NUP133: variants seen among roughly 807,000 people sequenced by gnomAD.
The protein encoded by NUP133 is nucleoporin 133, also known as nuclear pore complex protein Nup133.
A neutral mutation model predicts 146.2 loss-of-function variants in NUP133; 66 were observed. The ratio of observed to expected loss-of-function variants is 0.45; its 90% CI spans 0.37 to 0.55. The LOEUF is 0.55. Among genes scored for constraint, NUP133 ranks in the 20% least tolerant of loss-of-function variants. The pLI is 0.00. For missense variants in NUP133, 1,277 were observed against 1,374.8 expected, an observed-to-expected ratio of 0.93 and a Z score of 1.12; for synonymous variants, 521 against 498.8, an observed-to-expected ratio of 1.04 and a Z score of -0.59.
intron 12 of NUP133, 126 bp from the exon 13 acceptor site, chr1:229,477,886 G>A: frequency 1.5e-6 from 1 of 656,128 alleles, no homozygotes; most frequent in Non-Finnish European, 2.6e-6. Flanking sequence ...ATTCGCAACA[G>A]TAGGGATGGA....
At chr1:229,458,791 C>T (rs746764103) in intron 20 of NUP133, among the ~76,000 whole-genome samples, 6 of 149,594 alleles carry the variant, frequency 4.0e-5, no homozygotes, top group Admixed American at 6.7e-5. Flanking sequence ...GCTCACTCAA[C>T]CTTCGCCTCC....
chr1:229,443,032 T>C (rs902578883), intron 25 of NUP133, among the ~76,000 whole-genome samples: 2 of 151,970 alleles, frequency 1.3e-5, no homozygotes, highest in Non-Finnish European at 2.9e-5. Context: ...AATTGTAGTT[T>C]TTATTTTTTA....
At chr1:229,460,919 AT>A (rs1660678037) in intron 19 of NUP133, 150 bp from the exon 20 acceptor site, 2 of 649,600 alleles carry the variant, frequency 3.1e-6, no homozygotes, top group Non-Finnish European at 5.2e-6. Context: ...TAATTCAATC[AT>A]CTCATTTGAC....
At chr1:229,467,206 T>C (rs566002951) in intron 15 of NUP133, among the ~76,000 whole-genome samples, 65 of 152,190 alleles carry the variant, frequency 4.3e-4, no homozygotes, top group Non-Finnish European at 7.5e-4. Context: ...AGAACAGAAG[T>C]AAGCAACATA....
chr1:229,476,321 G>C (rs1236896611), intron 13 of NUP133, among the ~76,000 whole-genome samples: 1 of 152,180 alleles, frequency 6.6e-6, no homozygotes, highest in Non-Finnish European at 1.5e-5. Context: ...AACAAAAACA[G>C]TCAAAGAAAG....
At chr1:229,457,530 T>A (rs932482860) in intron 21 of NUP133, among the ~76,000 whole-genome samples, 1 of 152,210 alleles carries the variant, frequency 6.6e-6, no homozygotes, top group Admixed American at 6.5e-5. Context: ...TAATACCTCA[T>A]ACAACGTAAA....
intron 17 of NUP133, 83 bp downstream of exon 17, chr1:229,465,337 C>T (rs972669010): frequency 5.7e-5 from 62 of 1,088,194 alleles, no homozygotes; most frequent in South Asian, 4.3e-4. Context: ...TACAAACCTA[C>T]GCTAGGGGAA....
In NUP133 at chr1:229,483,164, T is replaced by C. The variant is rs537374397; in HGVS notation, c.1592+890A>G. Among the ~76,000 whole-genome samples the C allele has an allele frequency of 3.2e-3, 482 of 152,308 alleles. 2 individuals are homozygous for C. The highest frequency in any genetic ancestry group is 0.011 in the African/African-American group (467 of 41,564). ...CTCAGGCTAGAATGCAGTGGTGTGATTATGGCTCACAGTAGACTTGGCCTC... is the reference window on the plus strand; with the variant it reads ...CTCAGGCTAGAATGCAGTGGTGTGACTATGGCTCACAGTAGACTTGGCCTC... On this transcript the variant is annotated intron_variant, in intron 12 of 25. Transcript: ENST00000261396.
intron 10 of NUP133, among the ~76,000 whole-genome samples, 186 bp downstream of exon 10, chr1:229,487,280 T>C (rs546269581): frequency 6.6e-6 from 1 of 152,324 alleles, no homozygotes; most frequent in South Asian, 2.1e-4. Flanking sequence ...TATAATAGTT[T>C]GGAAATTCTA....
chr1:229,460,768 T>C lies in NUP133; in HGVS notation c.2687A>G (p.Asn896Ser), dbSNP rs746752161. ...QRYMTQFADQ[N>S]FSDFLFRWYL... ...CCAACGGAAGAGAAAGTCTGAAAAA[T>C]TCTACAAATAACAGAACATAGAATT... Residue 896 changes from asparagine (N) to serine (S), a missense_variant and splice_region_variant, in exon 20 of 26, where the codon AAT becomes AGT. Around this residue, in one of 3 missense-constraint regions of NUP133, gnomAD observed 952 missense variants for 1,047.0 expected, o/e 0.91. Transcript: ENST00000261396. The C allele has an allele frequency of 3.1e-6, 5 of 1,608,418 alleles. No homozygotes were observed. The East Asian group carries it at 1.1e-4, about 36-fold the overall frequency.
intron 13 of NUP133, among the ~76,000 whole-genome samples, 183 bp downstream of exon 13, chr1:229,477,414 T>C (rs1005243367): frequency 1.4e-5 from 2 of 141,022 alleles, no homozygotes; most frequent in Admixed American, 1.5e-4. Context: ...CACTCCAGCC[T>C]GGGTGACAGA....
chr1:229,490,950 T>TA (rs34883799), intron 8 of NUP133, among the ~76,000 whole-genome samples: 26,926 of 135,316 alleles, frequency 0.2, 2,670 homozygotes, highest in Middle Eastern at 0.29. Flanking sequence ...CACCCCATCT[T>TA]AAAAAAAAAA....
intron 2 of NUP133, among the ~76,000 whole-genome samples, chr1:229,504,764 T>C (rs1318826910): frequency 6.6e-6 from 1 of 152,242 alleles, no homozygotes; most frequent in Admixed American, 6.5e-5. Context: ...CAGTTTCAAA[T>C]ACCTGTGGTC....
At chr1:229,467,166 C>A (rs1197003432) in intron 15 of NUP133, among the ~76,000 whole-genome samples, 2 of 152,114 alleles carry the variant, frequency 1.3e-5, no homozygotes, top group Non-Finnish European at 2.9e-5. Flanking sequence ...TGAGGAATTC[C>A]CCTTCTTCAG....
intron 24 of NUP133, among the ~76,000 whole-genome samples, chr1:229,448,513 T>G (rs1254586154): frequency 6.6e-6 from 1 of 152,192 alleles, no homozygotes; most frequent in East Asian, 1.9e-4. Flanking sequence ...GAAAAACTCA[T>G]GAATAATGCA....
At chr1:229,442,072 A>T (rs756675671) in intron 25 of NUP133, 32 bp from the exon 26 acceptor site, 1 of 1,535,628 alleles carries the variant, frequency 6.5e-7, no homozygotes, top group Non-Finnish European at 8.7e-7. Flanking sequence ...GTCATTTTTC[A>T]ATTATTATAA....
At chr1:229,468,863 T>C (rs1471168456) in intron 15 of NUP133, among the ~76,000 whole-genome samples, 1 of 152,228 alleles carries the variant, frequency 6.6e-6, no homozygotes, top group Admixed American at 6.5e-5. Context: ...TCTGGCATAC[T>C]GTCTAGATTA....
At chr1:229,499,053 T>G in intron 5 of NUP133, 1 of 405,572 alleles carries the variant, frequency 2.5e-6, no homozygotes, top group Non-Finnish European at 5.0e-6. Flanking sequence ...CACACACCAC[T>G]ATGCCCAGAT....
At chr1:229,493,204 GTCTTTC>G (rs1284673995) in intron 8 of NUP133, among the ~76,000 whole-genome samples, 2 of 152,072 alleles carry the variant, frequency 1.3e-5, no homozygotes, top group Non-Finnish European at 2.9e-5. Context: ...TAGAAAAAAG[GTCTTTC>G]TCTGTTGCCC....
Sources: gnomAD v4.1 joint callset for allele counts (sites outside exome capture counted in the v4.1 genomes callset) on GRCh38, gnomAD v4.1.1 for gene constraint, gnomAD v4.1.1 regional missense constraint, MANE v1.5 for transcripts, NCBI Gene and HGNC (gene_info 2026-07-23, HGNC 2026-07-21) for gene names.